The following PAPOLA variants were observed in gnomAD, a reference collection of about 807,000 sequenced individuals.
PAPOLA encodes the protein polynucleotide adenylyltransferase alpha.
Under a neutral mutation model 100.6 loss-of-function variants are expected in PAPOLA, and 15 were observed. The observed-to-expected ratio is 0.15, with a 90% CI of 0.10 to 0.23. The LOEUF is 0.23. Among genes scored for constraint, PAPOLA ranks in the 10% least tolerant of loss-of-function variants. The pLI is 1.00. For missense variants in PAPOLA, 533 were observed against 884.2 expected, an observed-to-expected ratio of 0.60 and a Z score of 5.04; for synonymous variants, 293 against 300.0, an observed-to-expected ratio of 0.98 and a Z score of 0.24.
intron 6 of PAPOLA, 77 bp from the exon 7 acceptor site, chr14:96,531,398 T>G: frequency 8.7e-7 from 1 of 1,155,260 alleles, no homozygotes; most frequent in South Asian, 1.6e-5. Context: ...CTGGGATTTT[T>G]TGTTTGTTTG....
intron 9 of PAPOLA, chr14:96,533,115 A>G: frequency 1.0e-6 from 1 of 981,674 alleles, no homozygotes; most frequent in Non-Finnish European, 1.2e-6. Context: ...TTAAAGAATA[A>G]ATTAACATTA....
At chr14:96,528,826 A>G (rs1290626448) in intron 6 of PAPOLA, among the ~76,000 whole-genome samples, 1 of 152,224 alleles carries the variant, frequency 6.6e-6, no homozygotes, top group African/African-American at 2.4e-5. Context: ...ATGAAAAGTC[A>G]AGTGACTGAC....
In PAPOLA at chr14:96,502,566, G is replaced by T; in HGVS notation, c.-27G>T. ...GCGGCGGCGGTTGCGGGGGGGAAGT[G>T]ACTGGGCGGTGCCGGCGCCGGAGAC... On this transcript the variant is annotated 5_prime_UTR_variant, in exon 1 of 22. The change abolishes the stop of an existing upstream ORF in the 5' untranslated region. Transcript: ENST00000216277. 4 of 1,548,938 alleles carry T rather than the reference G, an allele frequency of 2.6e-6. No homozygotes were observed. The highest frequency in any genetic ancestry group is 3.5e-6 in the Non-Finnish European group (4 of 1,146,858).
At chr14:96,550,740 T>C (rs1900783596) in intron 16 of PAPOLA, among the ~76,000 whole-genome samples, 1 of 152,242 alleles carries the variant, frequency 6.6e-6, no homozygotes, top group South Asian at 2.1e-4. Context: ...CTACCCTGTA[T>C]TTGAGATCAT....
chr14:96,555,282 TCC>T, intron 17 of PAPOLA, among the ~76,000 whole-genome samples: 1 of 150,438 alleles, frequency 6.6e-6, no homozygotes. Context: ...CACTGTGTTG[TCC>T]GGGCTAGTTT....
chr14:96,527,393 ATAT>A (rs2140273262), intron 4 of PAPOLA, 34 bp from the exon 5 acceptor site: 1 of 1,191,656 alleles, frequency 8.4e-7, no homozygotes, highest in Non-Finnish European at 1.3e-6. Flanking sequence ...TTTTCTTGTA[ATAT>A]TAATTAGTGG....
At chr14:96,516,178 A>G (rs1897447026) in intron 1 of PAPOLA, among the ~76,000 whole-genome samples, 1 of 152,200 alleles carries the variant, frequency 6.6e-6, no homozygotes, top group African/African-American at 2.4e-5. Flanking sequence ...GGACGTTTGA[A>G]ACATCTGGGA....
chr14:96,532,286 G>T lies in PAPOLA; in HGVS notation c.608-45G>T, dbSNP rs200757786. 164 of 473,652 alleles carry T rather than the reference G, an allele frequency of 3.5e-4. No homozygotes were observed. The highest frequency in any genetic ancestry group is 4.1e-4 in the Non-Finnish European group (141 of 347,026). The allele number at this position is 473,652 out of a possible 1,614,324, so 29.3% of individuals were successfully genotyped here. A position where few individuals can be genotyped will look rare whatever the true frequency, so the allele number is the denominator to read the frequency against. Reference sequence around the variant, plus strand: ...GTTTTTTTTTGTTTTGTTTTGTTTTGTGTGTGTGTGTGTGTGTGTGTTTTT... The same window carrying T: ...GTTTTTTTTTGTTTTGTTTTGTTTTTTGTGTGTGTGTGTGTGTGTGTTTTT... On this transcript the variant is annotated intron_variant, in intron 7 of 21. Transcript: ENST00000216277.
At chr14:96,560,428 A>G (rs2140337231) in intron 19 of PAPOLA, 1 of 435,340 alleles carries the variant, frequency 2.3e-6, no homozygotes, top group Non-Finnish European at 4.0e-6. Flanking sequence ...GATCTGCAGT[A>G]ACAGTTTTCC....
Position 96,565,087 on chromosome 14 carries a change from C to A in PAPOLA, c.*37C>A. The A allele has an allele frequency of 3.0e-6, 3 of 1,004,712 alleles. No homozygotes were observed. The highest frequency in any genetic ancestry group is 4.8e-6 in the Non-Finnish European group (3 of 624,228). The allele number at this position is 1,004,712 out of a possible 1,614,324, so 62.2% of individuals were successfully genotyped here. A position where few individuals can be genotyped will look rare whatever the true frequency, so the allele number is the denominator to read the frequency against. On this transcript the variant is annotated 3_prime_UTR_variant, in exon 22 of 22. Coordinates refer to ENST00000216277, the MANE Select transcript of PAPOLA (RefSeq NM_032632.5). The stretch of plus-strand genomic sequence containing the variant: ...GGGGTCCATAAACAATATCTGCCAA[C>A]TCAACCTGTTGTCTTCAAATGCTAA...
intron 3 of PAPOLA, among the ~76,000 whole-genome samples, chr14:96,522,116 CTTTTTTTTTT>C (rs754167531): frequency 0.015 from 869 of 57,844 alleles, 7 homozygotes; most frequent in Non-Finnish European, 0.021. Context: ...TTCTTTCTTT[CTTTTTTTTTT>C]TTTTTTTTTT....
At chr14:96,530,768 CGTGTT>C (rs1898934714) in intron 6 of PAPOLA, among the ~76,000 whole-genome samples, 5 of 152,068 alleles carry the variant, frequency 3.3e-5, no homozygotes, top group Admixed American at 2.0e-4. Flanking sequence ...GGGACATTGT[CGTGTT>C]CATAGATAAT....
intron 1 of PAPOLA, among the ~76,000 whole-genome samples, chr14:96,510,097 C>T (rs771504986): frequency 7.3e-5 from 11 of 150,980 alleles, no homozygotes; most frequent in South Asian, 4.2e-4. Context: ...CTTTCTTCCT[C>T]TTTTGTTACA....
At chr14:96,503,484 A>G (rs909177663) in intron 1 of PAPOLA, among the ~76,000 whole-genome samples, 2 of 151,208 alleles carry the variant, frequency 1.3e-5, no homozygotes, top group African/African-American at 4.9e-5. Context: ...AATGAGATAT[A>G]ATTTGGCAGC....
In PAPOLA at chr14:96,564,937, C is replaced by G; in HGVS notation, c.2143-18C>G. 1 of 1,283,216 alleles carries G rather than the reference C, an allele frequency of 7.8e-7. No homozygotes were observed. Among genetic ancestry groups the G allele is most frequent in the South Asian group, 1.2e-5 (1 of 84,100 alleles). The allele number at this position is 1,283,216 out of a possible 1,614,324, so 79.5% of individuals were successfully genotyped here. A position where few individuals can be genotyped will look rare whatever the true frequency, so the allele number is the denominator to read the frequency against. On this transcript the variant is annotated intron_variant, in intron 21 of 21. Coordinates refer to ENST00000216277, the MANE Select transcript of PAPOLA (RefSeq NM_032632.5). Reference sequence around the variant, plus strand: ...ATGGTGCTTTGAACAATGTTGTGTTCTTTGCTTTCATTCTCAGAAAACATC... The same window carrying G: ...ATGGTGCTTTGAACAATGTTGTGTTGTTTGCTTTCATTCTCAGAAAACATC...
intron 1 of PAPOLA, among the ~76,000 whole-genome samples, chr14:96,509,283 C>G (rs1896942513): frequency 6.6e-6 from 1 of 152,190 alleles, no homozygotes; most frequent in African/African-American, 2.4e-5. Context: ...CCCACCTTGG[C>G]CTCCCAAATT....
intron 9 of PAPOLA, chr14:96,533,033 GT>G (rs566019988): frequency 5.1e-4 from 460 of 902,534 alleles, no homozygotes; most frequent in Admixed American, 4.4e-3. Flanking sequence ...TCTTGTGATT[GT>G]TTTTTTTTTC....
At chr14:96,509,793 G>C (rs754656295) in intron 1 of PAPOLA, among the ~76,000 whole-genome samples, 13 of 152,176 alleles carry the variant, frequency 8.5e-5, no homozygotes, top group Non-Finnish European at 1.8e-4. Context: ...GTATTATGCT[G>C]TTATGGGACC....
chr14:96,548,795 G>T (rs1274535163), intron 16 of PAPOLA, among the ~76,000 whole-genome samples: 4 of 152,118 alleles, frequency 2.6e-5, no homozygotes, highest in Non-Finnish European at 5.9e-5. Flanking sequence ...TGGTTGTCTG[G>T]GATTGGGGTT....
Sources: allele counts gnomAD v4.1 joint callset (sites outside exome capture counted in the v4.1 genomes callset), GRCh38; gene constraint gnomAD v4.1.1; transcripts MANE v1.5; gene names NCBI Gene and HGNC (gene_info 2026-07-23, HGNC 2026-07-21).